Variants in ARMC5 observed in about 807,000 individuals in gnomAD.
ARMC5 encodes armadillo repeat-containing protein 5.
Under a neutral mutation model 60.5 loss-of-function variants are expected in ARMC5, and 28 were observed. That is an observed-to-expected ratio of 0.46 (90% CI 0.34 to 0.63). The LOEUF (loss-of-function observed/expected upper bound fraction) is 0.63. Among genes scored for constraint, ARMC5 ranks in the 30% least tolerant of loss-of-function variants. The pLI, the probability that ARMC5 is intolerant of heterozygous loss-of-function variation, is 0.01. For missense variants in ARMC5, 1,189 were observed against 1,304.9 expected, an observed-to-expected ratio of 0.91 and a Z score of 1.37; for synonymous variants, 680 against 607.3, an observed-to-expected ratio of 1.12 and a Z score of -1.76.
chr16:31,460,102 G>A (rs1301889342), intron 1 of ARMC5, 103 bp downstream of exon 1: 4 of 1,287,858 alleles, frequency 3.1e-6, no homozygotes, highest in Non-Finnish European at 4.3e-6. Context: ...CCGGAATAAC[G>A]TGCTTTGTGA....
Position 31,462,014 on chromosome 16 carries a change from G to T in ARMC5, c.568G>T (p.Asp190Tyr), listed in dbSNP as rs752577963. The change falls in exon 2 of 6, where the codon GAC becomes TAC. Residue 190 changes from aspartate (D) to tyrosine (Y), a missense_variant. Physicochemically the swap from Asp to Tyr is radical, Grantham distance 160. This residue lies in a region of ARMC5 where 862 missense variants were observed against 1,071.2 expected (regional missense o/e 0.80). Transcript: ENST00000268314. The surrounding 1 kb of genome is among the most constrained non-coding windows in gnomAD (Gnocchi z 7.2). ...NLAMEPESCG[D>Y]IHCAGAVPLL... ...AGCCATGGAACCTGAGAGCTGTGGGGACATCCACTGTGCTGGTAAGAGGCT... is the reference window on the plus strand; with the variant it reads ...AGCCATGGAACCTGAGAGCTGTGGGTACATCCACTGTGCTGGTAAGAGGCT... 1.4e-5 allele frequency: 23 copies of T among 1,614,092 alleles called. No individual in the cohort carries two copies. The African/African-American group carries it at 2.9e-4, about 21-fold the overall frequency.
At position 31,464,374 on chromosome 16, in the gene ARMC5, TC is replaced by T; in HGVS notation, c.1371-17del. 1 of 1,491,476 alleles carries T rather than the reference TC, an allele frequency of 6.7e-7. No homozygotes were observed. 92.4% of individuals were successfully genotyped at this position (1,491,476 alleles called of 1,614,324 possible). A position where few individuals can be genotyped will look rare whatever the true frequency, so the allele number is the denominator to read the frequency against. ...ACCTTGGCTCTGGGTTCAGTCTCCTTCCCTTTCTGCCCTCCGCAGGTCGTGG... is the reference window on the plus strand; with the variant it reads ...ACCTTGGCTCTGGGTTCAGTCTCCTTCCTTTCTGCCCTCCGCAGGTCGTGG... On this transcript the variant is annotated intron_variant, in intron 3 of 5. Coordinates refer to ENST00000268314, the MANE Select transcript of ARMC5 (RefSeq NM_001105247.2). This position sits in a 1 kb window ranked among gnomAD's most constrained non-coding sequence, Gnocchi z 7.6.
At chr16:31,465,625 C>T (rs1023433500) in intron 4 of ARMC5, 29 of 1,402,488 alleles carry the variant, frequency 2.1e-5, no homozygotes, top group Non-Finnish European at 2.5e-5. Context: ...GGTGGCTTGC[C>T]GCCCACACTT....
intron 4 of ARMC5, chr16:31,465,586 G>A (rs998753417): frequency 8.4e-5 from 111 of 1,323,828 alleles, no homozygotes; most frequent in Non-Finnish European, 9.5e-5. Flanking sequence ...GGAACAGCTC[G>A]TGTCCTCCGT....
upstream of ARMC5, chr16:31,458,643 C>A (rs2082267885): frequency 7.7e-6 from 11 of 1,436,126 alleles, no homozygotes; most frequent in South Asian, 6.9e-5. Context: ...CTCCCCAGGG[C>A]TAGAGCCTGA....
In ARMC5 at chr16:31,462,895, G is replaced by C. The variant is rs771624323; in HGVS notation, c.1348G>C (p.Gly450Arg). 26 of 1,604,566 alleles carry C rather than the reference G, an allele frequency of 1.6e-5. No homozygotes were observed. The South Asian group carries it at 2.9e-4, about 18-fold the overall frequency. Residue 450 changes from glycine to arginine, a missense_variant, in exon 3 of 6, where the codon GGT (glycine) becomes CGT (arginine). Transcript: ENST00000268314. This position sits in a 1 kb window ranked among gnomAD's most constrained non-coding sequence, Gnocchi z 7.2. The stretch of plus-strand genomic sequence containing the variant: ...GGAGAGGACCCCTGAGCGGGCACAG[G>C]GTGGAAGCTTCCGGAGCCTCAGGTG... ...PEERTPERAQ[G>R]GSFRSLRSWL...
At chr16:31,463,743 G>T (rs1391360294) in intron 3 of ARMC5, among the ~76,000 whole-genome samples, 1 of 151,760 alleles carries the variant, frequency 6.6e-6, no homozygotes, top group Admixed American at 6.6e-5. Context: ...TTTTCTCCAT[G>T]ACCCCTGTAC....
rs2142579622 is a variant in ARMC5 at position 31,466,274 on chromosome 16, T to C, written c.2193T>C (p.Pro731=). ...CAGTCCCCATGGACCTAGACTCACC[T>C]TCCCCTTGCCTCTATGAACCTCTGC... ...PQAVPMDLDS[P]SPCLYEPLLG... is the part of the protein sequence containing the mutation. The change falls in exon 6 of 6, where the codon CCT becomes CCC. Residue 731 remains proline (P), a synonymous_variant. Coordinates refer to ENST00000268314, the MANE Select transcript of ARMC5 (RefSeq NM_001105247.2). The surrounding 1 kb of genome is among the most constrained non-coding windows in gnomAD (Gnocchi z 8.0). 6.2e-7 allele frequency: 1 copy of C among 1,613,912 alleles called. No individual in the cohort carries two copies. Among genetic ancestry groups the C allele is most frequent in the Non-Finnish European group, 8.5e-7 (1 of 1,179,884 alleles).
Position 31,462,213 on chromosome 16 carries a change from C to G in ARMC5, c.666C>G (p.Asn222Lys), listed in dbSNP as rs1201618163. ...CLQSVVRALRNLADSPQHRLA... is the reference protein window; with the variant it reads ...CLQSVVRALRKLADSPQHRLA... ...AGAGCGTGGTGCGTGCCCTCCGTAACCTGGCAGACTCACCCCAGCACCGCC... is the reference window on the plus strand; with the variant it reads ...AGAGCGTGGTGCGTGCCCTCCGTAAGCTGGCAGACTCACCCCAGCACCGCC... The change falls in exon 3 of 6, where the codon AAC (asparagine) becomes AAG (lysine). Residue 222 changes from asparagine to lysine, a missense_variant. Asn to Lys is a moderately conservative substitution (Grantham distance 94, BLOSUM62 0). Coordinates refer to ENST00000268314, the MANE Select transcript of ARMC5 (RefSeq NM_001105247.2). The surrounding 1 kb of genome is among the most constrained non-coding windows in gnomAD (Gnocchi z 7.2). 4.3e-6 allele frequency: 7 copies of G among 1,611,184 alleles called. No individual in the cohort carries two copies. The highest frequency in any genetic ancestry group is 5.9e-6 in the Non-Finnish European group (7 of 1,180,018).
Position 31,459,712 on chromosome 16 carries a change from C to A in ARMC5, c.188C>A (p.Ala63Glu). Residue 63 changes from alanine (A) to glutamate (E), a missense_variant, in exon 1 of 6, where the codon GCA becomes GAA. Transcript: ENST00000268314. ...GCGGGGGGAATCGAGCGCTTCCGGGCACGCGGCGGGCTCCGCCCCCTACTC... is the reference window on the plus strand; with the variant it reads ...GCGGGGGGAATCGAGCGCTTCCGGGAACGCGGCGGGCTCCGCCCCCTACTC... Reference protein sequence around the residue: ...KAAGGIERFRARGGLRPLLAL... With the variant: ...KAAGGIERFRERGGLRPLLAL... 1 of 1,561,708 alleles carries A rather than the reference C, an allele frequency of 6.4e-7. No individual in the cohort carries two copies. The highest frequency in any genetic ancestry group is 1.9e-5 in the Admixed American group (1 of 52,960).
At position 31,465,369 on chromosome 16, in the gene ARMC5, C is replaced by T. The variant is rs141048786; in HGVS notation, c.1865-481C>T. On this transcript the variant is annotated intron_variant, in intron 4 of 5. Transcript: ENST00000268314. Reference sequence around the variant, plus strand: ...CTGTCCGGGCATAACAGAAGGCTCGCACTCTTGTCTTCTGGTCACACCTCA... The same window carrying T: ...CTGTCCGGGCATAACAGAAGGCTCGTACTCTTGTCTTCTGGTCACACCTCA... 967 of 1,347,410 alleles carry T rather than the reference C, an allele frequency of 7.2e-4. 9 individuals are homozygous for T. In the African/African-American group the frequency reaches 0.013, roughly 18 times the overall value. The allele number at this position is 1,347,410 out of a possible 1,614,324, so 83.5% of individuals were successfully genotyped here.
In ARMC5 at chr16:31,465,967, T is replaced by C; in HGVS notation, c.1982T>C (p.Leu661Pro). 1 of 1,603,894 alleles carries C rather than the reference T, an allele frequency of 6.2e-7. No individual in the cohort carries two copies. The highest frequency in any genetic ancestry group is 1.1e-5 in the South Asian group (1 of 91,032). Residue 661 changes from leucine to proline, a missense_variant, in exon 5 of 6, where the codon CTG becomes CCG. Physicochemically the swap from Leu to Pro is moderately conservative, Grantham distance 98. Transcript: ENST00000268314. Reference sequence around the variant, plus strand: ...GACCGAGTGGCCTGCGCGCTGACCCTGCCCTTCATCTGCCGGTGAGTGGGA... The same window carrying C: ...GACCGAGTGGCCTGCGCGCTGACCCCGCCCTTCATCTGCCGGTGAGTGGGA... The part of the protein sequence containing the change: ...PEDRVACALT[L>P]PFICRKPSLW...
chr16:31,460,647 C>T (rs1414922155), intron 1 of ARMC5, among the ~76,000 whole-genome samples: 1 of 152,198 alleles, frequency 6.6e-6, no homozygotes, highest in Non-Finnish European at 1.5e-5. Context: ...GGGAGGATCC[C>T]TTGAGCCTAG....
At position 31,459,922 on chromosome 16, in the gene ARMC5, T is replaced by C. The variant is rs1267114488; in HGVS notation, c.398T>C (p.Leu133Pro). The C allele has an allele frequency of 6.2e-7, 1 of 1,605,934 alleles. No homozygotes were observed. The highest frequency in any genetic ancestry group is 8.5e-7 in the Non-Finnish European group (1 of 1,179,728). The stretch of plus-strand genomic sequence containing the variant: ...CTGCGCAAGACGCTGGACTTGGCGC[T>C]CAGCATCCTAGCCGATTGCTGTACG... ...VRLRKTLDLA[L>P]SILADCCTEG... Residue 133 changes from leucine (L) to proline (P), a missense_variant, in exon 1 of 6, where the codon CTC becomes CCC. Leu to Pro is a moderately conservative substitution (Grantham distance 98). Coordinates refer to ENST00000268314, the MANE Select transcript of ARMC5 (RefSeq NM_001105247.2).
chr16:31,459,703 G>C lies in ARMC5; in HGVS notation c.179G>C (p.Arg60Pro). Residue 60 changes from arginine (R) to proline (P), a missense_variant, in exon 1 of 6, where the codon CGC becomes CCC. By Grantham distance (103) the Arg-to-Pro change is moderately radical. Transcript: ENST00000268314. ...RHIKAAGGIE[R>P]FRARGGLRPL... The stretch of plus-strand genomic sequence containing the variant: ...ATCAAGGCAGCGGGGGGAATCGAGC[G>C]CTTCCGGGCACGCGGCGGGCTCCGC... 1 of 1,564,906 alleles carries C rather than the reference G, an allele frequency of 6.4e-7. No individual in the cohort carries two copies. The highest frequency in any genetic ancestry group is 8.6e-7 in the Non-Finnish European group (1 of 1,166,338).
chr16:31,458,520 G>A (rs574377200), upstream of ARMC5: 9 of 1,534,248 alleles, frequency 5.9e-6, no homozygotes, highest in East Asian at 1.2e-4. Context: ...TGTCACCAGA[G>A]GGGCTGCCTT....
chr16:31,462,649 G>T lies in ARMC5; in HGVS notation c.1102G>T (p.Ala368Ser), dbSNP rs774899884. Residue 368 changes from alanine to serine, a missense_variant, in exon 3 of 6, where the codon GCT becomes TCT. Ala to Ser is a moderately conservative substitution (Grantham distance 99). Coordinates refer to ENST00000268314, the MANE Select transcript of ARMC5 (RefSeq NM_001105247.2). This position sits in a 1 kb window ranked among gnomAD's most constrained non-coding sequence, Gnocchi z 7.2. ...CATCAACCGGGCCCGACTGCGGGAT[G>T]CTGGTGGCTTGGATCTACTGATGGG... ...EAINRARLRD[A>S]GGLDLLMGLL... is the part of the protein sequence containing the mutation. The T allele has an allele frequency of 1.3e-5, 21 of 1,613,606 alleles. No individual in the cohort carries two copies. The highest frequency in any genetic ancestry group is 3.4e-4 in the Middle Eastern group (2 of 5,862).
rs1459543704 is a variant in ARMC5, at chr16:31,466,292, A to T, written c.2211A>T (p.Glu737Asp). ...DLDSPSPCLY[E>D]PLLGPAPVPA... ...ACTCACCTTCCCCTTGCCTCTATGA[A>T]CCTCTGCTGGGCCCAGCCCCTGTCC... is the stretch of plus-strand genomic sequence containing the variant. The change falls in exon 6 of 6, where the codon GAA becomes GAT. Residue 737 changes from glutamate (E) to aspartate (D), a missense_variant. Glu to Asp is a conservative substitution (Grantham distance 45, BLOSUM62 2). Transcript: ENST00000268314. This position sits in a 1 kb window ranked among gnomAD's most constrained non-coding sequence, Gnocchi z 8.0. 3 of 1,612,508 alleles carry T rather than the reference A, an allele frequency of 1.9e-6. No individual in the cohort carries two copies. In the East Asian group the frequency reaches 6.7e-5, roughly 36 times the overall value.
At position 31,459,965 on chromosome 16, in the gene ARMC5, C is replaced by T; in HGVS notation, c.441C>T (p.Thr147=). The T allele has an allele frequency of 1.2e-6, 2 of 1,601,276 alleles. No individual in the cohort carries two copies. Among genetic ancestry groups the T allele is most frequent in the Non-Finnish European group, 1.7e-6 (2 of 1,179,216 alleles). The change falls in exon 1 of 6, where the codon ACC becomes ACT. Residue 147 remains threonine (T), a synonymous_variant. Transcript: ENST00000268314. ...ADCCTEGACR[T]EVRRLGGILP... ...GCTGTACGGAAGGGGCGTGCCGGAC[C>T]GAAGTGCGCAGACTCGGAGGCATAC...
Sources: gnomAD v4.1 joint callset for allele counts (sites outside exome capture counted in the v4.1 genomes callset) on GRCh38, gnomAD v4.1.1 for gene constraint, gnomAD v4.1.1 regional missense constraint, Gnocchi (gnomAD v3.1) non-coding constraint, MANE v1.5 for transcripts, NCBI Gene and HGNC (gene_info 2026-07-23, HGNC 2026-07-21) for gene names.